The following SNTG1 variants were observed in gnomAD, a reference collection of about 807,000 sequenced individuals.
SNTG1 encodes syntrophin gamma 1.
Under a neutral mutation model 74.7 loss-of-function variants are expected in SNTG1, and 39 were observed. That is an observed-to-expected ratio of 0.52 (90% CI 0.40 to 0.68). The LOEUF (loss-of-function observed/expected upper bound fraction) is 0.68. SNTG1 is among the 30% of genes least tolerant of loss of function. The probability of loss-of-function intolerance (pLI) is 0.00; values close to 1 mark genes in which losing one functional copy is unlikely to be tolerated. For missense variants in SNTG1, 685 were observed against 609.5 expected, an observed-to-expected ratio of 1.12 and a Z score of -1.30; for synonymous variants, 254 against 217.1, an observed-to-expected ratio of 1.17 and a Z score of -1.49.
intron 8 of SNTG1, among the ~76,000 whole-genome samples, chr8:50,501,570 G>A (rs1023687735): frequency 1.1e-4 from 17 of 150,218 alleles, no homozygotes; most frequent in Non-Finnish European, 2.4e-4. Flanking sequence ...CGAGTAGCTA[G>A]GATTACAGAC....
chr8:50,444,522 C>T (rs995613927), intron 5 of SNTG1, among the ~76,000 whole-genome samples: 12 of 152,144 alleles, frequency 7.9e-5, no homozygotes, highest in Admixed American at 3.3e-4. Context: ...GAAGCCAAGG[C>T]GGGTGGATCA....
intron 1 of SNTG1, among the ~76,000 whole-genome samples, chr8:50,036,777 T>G (rs1389063600): frequency 6.6e-6 from 1 of 152,250 alleles, no homozygotes; most frequent in Non-Finnish European, 1.5e-5. Context: ...AAGCATTCTC[T>G]GTAAGTTTAG....
chr8:50,701,724 C>CTTT (rs757511326), intron 15 of SNTG1, among the ~76,000 whole-genome samples: 77 of 111,858 alleles, frequency 6.9e-4, no homozygotes, highest in Middle Eastern at 5.2e-3. Flanking sequence ...TCCTCTTTTT[C>CTTT]TTCTTCTTTT....
At chr8:50,384,576 T>C (rs2092543859) in intron 2 of SNTG1, among the ~76,000 whole-genome samples, 1 of 152,156 alleles carries the variant, frequency 6.6e-6, no homozygotes, top group Non-Finnish European at 1.5e-5. Context: ...TCAGTGTTGG[T>C]CTATGCTGCT....
At chr8:50,050,405 A>G (rs1180088877) in intron 1 of SNTG1, among the ~76,000 whole-genome samples, 2 of 152,086 alleles carry the variant, frequency 1.3e-5, no homozygotes, top group East Asian at 3.9e-4. Context: ...TACAAGCAGA[A>G]ACAGAGAACC....
intron 1 of SNTG1, among the ~76,000 whole-genome samples, chr8:50,089,639 A>T (rs1053062681): frequency 6.6e-6 from 1 of 152,218 alleles, no homozygotes; most frequent in African/African-American, 2.4e-5. Flanking sequence ...TTATGCAGCC[A>T]AAAAACACAT....
chr8:50,161,037 AGAT>A (rs1662831519), intron 1 of SNTG1, among the ~76,000 whole-genome samples: 1 of 152,208 alleles, frequency 6.6e-6, no homozygotes, highest in South Asian at 2.1e-4. Context: ...AAAATAGAGA[AGAT>A]GATATTTTAA....
chr8:50,508,555 A>G (rs752062129), intron 9 of SNTG1, among the ~76,000 whole-genome samples: 56 of 152,148 alleles, frequency 3.7e-4, no homozygotes, highest in African/African-American at 1.2e-3. Context: ...AAGTTTTCCT[A>G]TTTCTCCACA....
At chr8:50,265,444 A>G (rs2087415643) in intron 2 of SNTG1, among the ~76,000 whole-genome samples, 1 of 152,126 alleles carries the variant, frequency 6.6e-6, no homozygotes, top group African/African-American at 2.4e-5. Context: ...GCATACACTC[A>G]GGAGACTGGA....
chr8:50,713,014 C>T (rs2095466089), intron 17 of SNTG1, among the ~76,000 whole-genome samples: 1 of 152,032 alleles, frequency 6.6e-6, no homozygotes, highest in Non-Finnish European at 1.5e-5. Context: ...GGGTATATAC[C>T]CAGTAATGGG....
At chr8:50,094,682 C>G (rs2079862831) in intron 1 of SNTG1, among the ~76,000 whole-genome samples, 1 of 152,024 alleles carries the variant, frequency 6.6e-6, no homozygotes, top group East Asian at 1.9e-4. Flanking sequence ...AAAAAAATAA[C>G]AGATACATGT....
intron 15 of SNTG1, among the ~76,000 whole-genome samples, chr8:50,659,310 A>G (rs1297820056): frequency 1.3e-5 from 2 of 152,250 alleles, no homozygotes; most frequent in African/African-American, 4.8e-5. Context: ...AAACATGAAG[A>G]CTAATATATA....
chr8:50,622,264 A>G (rs751744964), intron 13 of SNTG1, among the ~76,000 whole-genome samples: 37 of 152,328 alleles, frequency 2.4e-4, no homozygotes, highest in Non-Finnish European at 2.4e-4. Flanking sequence ...TTGGAAAATA[A>G]TAAGTGTTTA....
chr8:50,029,800 C>T (rs1817591039), intron 1 of SNTG1, among the ~76,000 whole-genome samples: 1 of 152,056 alleles, frequency 6.6e-6, no homozygotes, highest in South Asian at 2.1e-4. Flanking sequence ...AATAGTGCTG[C>T]AATAAACACA....
At chr8:50,046,941 T>C (rs574518588) in intron 1 of SNTG1, among the ~76,000 whole-genome samples, 74 of 152,354 alleles carry the variant, frequency 4.9e-4, no homozygotes, top group Admixed American at 1.4e-3. Flanking sequence ...CACTTTACTG[T>C]TCCAAAGATA....
intron 5 of SNTG1, among the ~76,000 whole-genome samples, chr8:50,439,863 C>A (rs1296699173): frequency 6.6e-6 from 1 of 151,482 alleles, no homozygotes; most frequent in Non-Finnish European, 1.5e-5. Flanking sequence ...CTGAACCAGG[C>A]ACTAACTCTA....
At chr8:50,058,961 G>C (rs1171553019) in intron 1 of SNTG1, among the ~76,000 whole-genome samples, 2 of 151,974 alleles carry the variant, frequency 1.3e-5, no homozygotes, top group East Asian at 3.9e-4. Context: ...TCCAAACTTT[G>C]TCATTTCAAG....
chr8:50,727,863 A>G (rs2095503912), intron 17 of SNTG1, among the ~76,000 whole-genome samples: 2 of 152,214 alleles, frequency 1.3e-5, no homozygotes, highest in South Asian at 2.1e-4. Context: ...TTGCATGCCA[A>G]ATAAGTTCTT....
At position 50,344,247 on chromosome 8, in the gene SNTG1, C is replaced by T. The variant is rs190615339; in HGVS notation, c.-27-49965C>T. On this transcript the variant is annotated intron_variant, in intron 2 of 18. Transcript: ENST00000642720. ...AAGAAAGCAAAGCAACTTACTATCCCAGTTAAAATGGCTTTGTTAAAAATT... is the reference window on the plus strand; with the variant it reads ...AAGAAAGCAAAGCAACTTACTATCCTAGTTAAAATGGCTTTGTTAAAAATT... Among the ~76,000 whole-genome samples the T allele has an allele frequency of 1.2e-3, 180 of 152,166 alleles. 1 individual carries two copies. Among genetic ancestry groups the T allele is most frequent in the African/African-American group, 3.9e-3 (163 of 41,506 alleles).
Sources: allele counts gnomAD v4.1 joint callset (sites outside exome capture counted in the v4.1 genomes callset), GRCh38; gene constraint gnomAD v4.1.1; transcripts MANE v1.5; gene names NCBI Gene and HGNC (gene_info 2026-07-23, HGNC 2026-07-21).